TRPM5: variants seen among roughly 807,000 people sequenced by gnomAD.
The protein encoded by TRPM5 is MLSN1 and TRP-related.
A neutral mutation model predicts 124.9 loss-of-function variants in TRPM5; 121 were observed. The ratio of observed to expected loss-of-function variants is 0.97; its 90% confidence interval spans 0.84 to 1.13. TRPM5 has a LOEUF of 1.13. TRPM5 is among the 50% of genes most tolerant of loss of function. The pLI is 0.00. For missense variants in TRPM5, 1,643 were observed against 1,589.1 expected, an observed-to-expected ratio of 1.03 and a Z score of -0.58; for synonymous variants, 781 against 700.5, an observed-to-expected ratio of 1.11 and a Z score of -1.81.
the TRPM5 span, among the ~76,000 whole-genome samples, chr11:2,436,357 C>T: frequency 6.6e-6 from 1 of 152,258 alleles, no homozygotes; most frequent in South Asian, 2.1e-4. Flanking sequence ...CGGATGAGTG[C>T]CCTGGTCAGT....
At chr11:2,405,471 G>A (rs752679834) in intron 23 of TRPM5, 56 bp downstream of exon 28, 177 of 1,512,102 alleles carry the variant, frequency 1.2e-4, no homozygotes, top group Admixed American at 2.0e-4. Context: ...CCCCCCAGCC[G>A]CTGCAGAGTG....
intron 7 of TRPM5, among the ~76,000 whole-genome samples, chr11:2,416,488 G>A (rs1003491963): frequency 6.6e-5 from 10 of 152,198 alleles, no homozygotes; most frequent in African/African-American, 2.2e-4. Context: ...GCTGGAAACC[G>A]CTGTCCTCAC....
chr11:2,411,325 C>T (rs1291552820), intron 18 of TRPM5, 27 bp downstream of exon 23: 7 of 1,536,928 alleles, frequency 4.6e-6, no homozygotes, highest in South Asian at 1.2e-5. Flanking sequence ...TTCTCCCTGC[C>T]CCTGCCCCCG....
intron 18 of TRPM5, 107 bp downstream of exon 23, chr11:2,411,245 G>T: frequency 1.5e-6 from 2 of 1,312,546 alleles, no homozygotes; most frequent in Non-Finnish European, 2.0e-6. Context: ...TCCAGGCTGG[G>T]GTCTCCATGG....
chr11:2,436,905 C>T, the TRPM5 span, among the ~76,000 whole-genome samples: 4 of 152,220 alleles, frequency 2.6e-5, no homozygotes, highest in East Asian at 1.9e-4. Context: ...AGAAGCACCC[C>T]GCTCGCCCAC....
chr11:2,438,347 G>A, the TRPM5 span, among the ~76,000 whole-genome samples: 5 of 152,256 alleles, frequency 3.3e-5, no homozygotes, highest in East Asian at 9.6e-4. This position sits in a 1 kb window ranked among gnomAD's most constrained non-coding sequence, Gnocchi z 5.9. Context: ...AGGAGATGAC[G>A]CATCTCCACA....
chr11:2,427,278 T>C (rs114161123), upstream of TRPM5, among the ~76,000 whole-genome samples: 1,861 of 152,282 alleles, frequency 0.012, 37 homozygotes, highest in African/African-American at 0.038. Context: ...ACAATCCTGC[T>C]CCTTCTCCCC....
At chr11:2,415,123 C>A (rs891341280) in exon 9 of TRPM5, 2 of 1,569,012 alleles carry the variant, frequency 1.3e-6, no homozygotes, top group Non-Finnish European at 1.7e-6. Context: ...CCGCTCACCG[C>A]CCTCCTGCGG....
intron 18 of TRPM5, among the ~76,000 whole-genome samples, chr11:2,409,530 G>GC (rs1194194016): frequency 1.3e-4 from 20 of 152,360 alleles, no homozygotes; most frequent in Admixed American, 3.9e-4. Context: ...CGAGTGCAGA[G>GC]TGGGGCAGGG....
chr11:2,422,693 C>T (rs950798083), intron 1 of TRPM5, among the ~76,000 whole-genome samples: 3 of 151,224 alleles, frequency 2.0e-5, no homozygotes, highest in Non-Finnish European at 4.4e-5. Flanking sequence ...CCAAATCTCT[C>T]GGGGGGACTT....
upstream of TRPM5, among the ~76,000 whole-genome samples, chr11:2,425,244 G>T (rs375449514): frequency 1.6e-4 from 24 of 152,302 alleles, no homozygotes; most frequent in South Asian, 4.8e-3. Context: ...TAGTTCTAGA[G>T]CCCAGACGTC....
At chr11:2,422,708 G>T (rs7122941) in intron 1 of TRPM5, among the ~76,000 whole-genome samples, 3 of 151,530 alleles carry the variant, frequency 2.0e-5, no homozygotes, top group South Asian at 2.1e-4. Flanking sequence ...GGACTTCAGG[G>T]GTCCCGGTTA....
At chr11:2,430,839 G>A in the TRPM5 span, among the ~76,000 whole-genome samples, 1 of 145,180 alleles carries the variant, frequency 6.9e-6, no homozygotes, top group South Asian at 2.2e-4. Flanking sequence ...GGTGGTGGTG[G>A]TTTTGGTGGT....
At chr11:2,428,657 T>C in the TRPM5 span, among the ~76,000 whole-genome samples, 4 of 151,544 alleles carry the variant, frequency 2.6e-5, no homozygotes, top group African/African-American at 9.7e-5. This position sits in a 1 kb window ranked among gnomAD's most constrained non-coding sequence, Gnocchi z 4.0. Context: ...GTGATGGTGA[T>C]GGTGGTGGGA....
chr11:2,407,327 C>G (rs1390947411), intron 19 of TRPM5, 27 bp from the exon 25 acceptor site: 6 of 1,590,244 alleles, frequency 3.8e-6, no homozygotes, highest in Non-Finnish European at 5.1e-6. Flanking sequence ...GAGCCGTCAC[C>G]TACCGGCTCC....
exon 1 of TRPM5, chr11:2,422,959 G>T: frequency 6.2e-7 from 1 of 1,613,056 alleles, no homozygotes; most frequent in Middle Eastern, 1.7e-4. Context: ...AGTTGACCTC[G>T]CCCCTGTGCA....
chr11:2,418,082 A>T, intron 6 of TRPM5, 85 bp downstream of exon 11: 3 of 1,288,072 alleles, frequency 2.3e-6, no homozygotes, highest in Non-Finnish European at 3.2e-6. Context: ...AGTGGGCTGG[A>T]GGCTGCATTG....
At chr11:2,404,949 G>A (rs752264911) in exon 24 of TRPM5, 49 of 1,612,038 alleles carry the variant, frequency 3.0e-5, no homozygotes, top group Non-Finnish European at 3.9e-5. Flanking sequence ...AGGTGTCCGA[G>A]GGAGGCTGGC....
chr11:2,427,807 C>A (rs1019450490), upstream of TRPM5, among the ~76,000 whole-genome samples: 1 of 152,212 alleles, frequency 6.6e-6, no homozygotes, highest in African/African-American at 2.4e-5. Flanking sequence ...TAAGTAGGAA[C>A]AGGAGCTGCC....
Sources: gnomAD v4.1 joint callset for allele counts (sites outside exome capture counted in the v4.1 genomes callset) on GRCh38, gnomAD v4.1.1 for gene constraint, Gnocchi (gnomAD v3.1) non-coding constraint, MANE v1.5 for transcripts, NCBI Gene and HGNC (gene_info 2026-07-23, HGNC 2026-07-21) for gene names.